Variants in ESRRG observed in about 807,000 individuals in gnomAD.
The protein encoded by ESRRG is estrogen-related receptor gamma.
In ESRRG, 13 loss-of-function variants were observed where a neutral mutation model predicts 44.0. That is an observed-to-expected ratio of 0.30 (90% CI 0.19 to 0.47). The LOEUF (loss-of-function observed/expected upper bound fraction) is 0.47, where lower values mean the gene tolerates loss of function less well. Ranked by LOEUF, ESRRG falls within the 20% of genes least tolerant of loss-of-function variation. The probability of loss-of-function intolerance (pLI) is 1.00; values close to 1 mark genes in which losing one functional copy is unlikely to be tolerated. For missense variants in ESRRG, 395 were observed against 580.6 expected, an observed-to-expected ratio of 0.68 and a Z score of 3.29; for synonymous variants, 215 against 214.6, an observed-to-expected ratio of 1.00 and a Z score of -0.02.
At chr1:216,660,406 T>C (rs1021907993) in intron 2 of ESRRG, among the ~76,000 whole-genome samples, 1 of 152,152 alleles carries the variant, frequency 6.6e-6, no homozygotes, top group African/African-American at 2.4e-5. Context: ...CATTCTGTGA[T>C]TAGAGATTTA....
At chr1:216,750,010 G>A (rs2091850022) in intron 2 of ESRRG, among the ~76,000 whole-genome samples, 1 of 152,164 alleles carries the variant, frequency 6.6e-6, no homozygotes, top group South Asian at 2.1e-4. Context: ...CATGTTTTAA[G>A]CATTTGGACA....
chr1:216,762,772 G>C (rs1265911288), intron 2 of ESRRG, among the ~76,000 whole-genome samples: 1 of 151,782 alleles, frequency 6.6e-6, no homozygotes, highest in Non-Finnish European at 1.5e-5. Context: ...AGGCTAGGGA[G>C]CATTTTTTTC....
intron 2 of ESRRG, among the ~76,000 whole-genome samples, chr1:216,775,250 C>A (rs2093558162): frequency 6.6e-6 from 1 of 151,976 alleles, no homozygotes; most frequent in South Asian, 2.1e-4. Flanking sequence ...AAGAGGGTTT[C>A]CTGGGTTCTA....
chr1:216,709,191 G>A (rs999720367), intron 1 of ESRRG, among the ~76,000 whole-genome samples: 2 of 151,946 alleles, frequency 1.3e-5, no homozygotes, highest in African/African-American at 4.8e-5. Context: ...TTCTGCACAT[G>A]TATCCCAGAA....
At chr1:216,946,000 T>C (rs759829668) in intron 1 of ESRRG, among the ~76,000 whole-genome samples, 1 of 152,182 alleles carries the variant, frequency 6.6e-6, no homozygotes, top group Non-Finnish European at 1.5e-5. Context: ...TAAGGAAATA[T>C]GGGAGGAGGA....
intron 2 of ESRRG, chr1:216,936,549 C>G (rs2064179833): frequency 6.6e-6 from 1 of 151,716 alleles, no homozygotes; most frequent in Non-Finnish European, 1.5e-5. Flanking sequence ...ATATATATAG[C>G]CAGACCATAT....
chr1:216,940,017 C>T (rs1038059430), intron 1 of ESRRG, among the ~76,000 whole-genome samples: 3 of 152,012 alleles, frequency 2.0e-5, no homozygotes, highest in African/African-American at 7.3e-5. Flanking sequence ...CATTATAATA[C>T]CCATATATAA....
intron 1 of ESRRG, among the ~76,000 whole-genome samples, chr1:216,705,811 C>A (rs2082334826): frequency 6.6e-6 from 1 of 152,152 alleles, no homozygotes; most frequent in Non-Finnish European, 1.5e-5. Context: ...TCAGAAGAGG[C>A]CTACAATGAG....
intron 2 of ESRRG, among the ~76,000 whole-genome samples, chr1:216,810,748 T>G (rs921079930): frequency 6.7e-6 from 1 of 148,178 alleles, no homozygotes; most frequent in Non-Finnish European, 1.5e-5. Context: ...TATATATAAC[T>G]CTATGATATA....
chr1:217,046,714 T>C (rs1239522860), intron 1 of ESRRG, among the ~76,000 whole-genome samples: 1 of 152,000 alleles, frequency 6.6e-6, no homozygotes, highest in Non-Finnish European at 1.5e-5. Context: ...TGAGACCCCA[T>C]CTCTACAAAT....
intron 2 of ESRRG, among the ~76,000 whole-genome samples, chr1:216,913,190 C>T (rs2060705679): frequency 6.6e-6 from 1 of 150,386 alleles, no homozygotes; most frequent in African/African-American, 2.4e-5. Context: ...TGCATCTCTA[C>T]TCAACATGTG....
At chr1:216,886,505 AAGTAT>A (rs1367226903) in intron 2 of ESRRG, among the ~76,000 whole-genome samples, 3 of 152,204 alleles carry the variant, frequency 2.0e-5, no homozygotes, top group African/African-American at 7.2e-5. Context: ...GGTTTGAAAA[AAGTAT>A]AGTAAAGAAT....
chr1:216,621,061 G>C (rs540335325), intron 3 of ESRRG, among the ~76,000 whole-genome samples: 24 of 152,180 alleles, frequency 1.6e-4, no homozygotes, highest in Admixed American at 1.3e-3. Flanking sequence ...AATGAATATG[G>C]ATAAGATCCT....
intron 1 of ESRRG, among the ~76,000 whole-genome samples, chr1:216,957,044 A>C (rs1356129976): frequency 6.6e-6 from 1 of 152,240 alleles, no homozygotes; most frequent in Non-Finnish European, 1.5e-5. Flanking sequence ...GGTGGATAAA[A>C]GTGATTCCAA....
At chr1:217,133,645 C>CTCTCTCTCTCTTTCTTTCTTTCTTGATT (rs1266397788) in intron 1 of ESRRG, among the ~76,000 whole-genome samples, 1 of 91,728 alleles carries the variant, frequency 1.1e-5, no homozygotes, top group Non-Finnish European at 2.2e-5. Flanking sequence ...CTCTCTCTCT[C>CTCTCTCTCTCTTTCTTTCTTTCTTGATT]TCTTTCTTTC....
chr1:216,955,858 C>T (rs2067855735), intron 1 of ESRRG, among the ~76,000 whole-genome samples: 1 of 152,042 alleles, frequency 6.6e-6, no homozygotes, highest in African/African-American at 2.4e-5. Context: ...TTTAAGAAAT[C>T]TCTATTGAGA....
chr1:216,593,658 T>A (rs2058027227), intron 3 of ESRRG, among the ~76,000 whole-genome samples: 1 of 152,250 alleles, frequency 6.6e-6, no homozygotes, highest in Admixed American at 6.5e-5. Context: ...GGCTGGCAAA[T>A]GTTAAGTCAA....
At chr1:216,894,233 C>A (rs2149427741) in intron 2 of ESRRG, among the ~76,000 whole-genome samples, 2 of 152,218 alleles carry the variant, frequency 1.3e-5, no homozygotes, top group South Asian at 4.2e-4. Flanking sequence ...AAACTATGAC[C>A]TGGTAGTGAA....
chr1:217,090,805 GA>G (rs2092331219), upstream of ESRRG, among the ~76,000 whole-genome samples: 1 of 152,130 alleles, frequency 6.6e-6, no homozygotes, highest in Non-Finnish European at 1.5e-5. Context: ...ACAACAGCAG[GA>G]AAACTTTTTT....
Sources: allele counts gnomAD v4.1 joint callset (sites outside exome capture counted in the v4.1 genomes callset), GRCh38; gene constraint gnomAD v4.1.1; transcripts MANE v1.5; gene names NCBI Gene and HGNC (gene_info 2026-07-23, HGNC 2026-07-21).